The following ATP8B4 variants were observed in gnomAD, a reference collection of about 807,000 sequenced individuals.
ATP8B4 encodes the protein probable phospholipid-transporting ATPase IM.
In ATP8B4, 133 loss-of-function variants were observed where a neutral mutation model predicts 145.6. The ratio of observed to expected loss-of-function variants is 0.91; its 90% CI spans 0.79 to 1.05. ATP8B4 has a LOEUF of 1.05. Among genes scored for constraint, ATP8B4 ranks in the 50% least tolerant of loss-of-function variants. ATP8B4 has a pLI of 0.00. For synonymous variants in ATP8B4, 507 were observed against 492.9 expected (o/e 1.03, Z -0.38); for missense variants, 1,458 against 1,425.2 (o/e 1.02, Z -0.37).
intron 14 of ATP8B4, among the ~76,000 whole-genome samples, chr15:49,938,281 T>G (rs909306311): frequency 6.6e-5 from 10 of 152,110 alleles, no homozygotes; most frequent in Non-Finnish European, 1.3e-4. Flanking sequence ...AAACTGCCCA[T>G]ATCAATATTA....
chr15:49,966,189 G>A (rs565197881), intron 13 of ATP8B4, among the ~76,000 whole-genome samples: 1 of 152,326 alleles, frequency 6.6e-6, no homozygotes, highest in African/African-American at 2.4e-5. Flanking sequence ...ACAAAACTGG[G>A]CAGCCATTTG....
At chr15:50,126,225 A>C (rs1297878847) in intron 1 of ATP8B4, among the ~76,000 whole-genome samples, 1 of 146,988 alleles carries the variant, frequency 6.8e-6, no homozygotes, top group East Asian at 2.0e-4. Context: ...GTTAGTTCCT[A>C]ACAAGCTAAC....
chr15:50,135,044 T>C (rs148262034), intron 1 of ATP8B4, among the ~76,000 whole-genome samples: 10 of 152,368 alleles, frequency 6.6e-5, no homozygotes, highest in African/African-American at 1.9e-4. Flanking sequence ...GTTTTCTGAA[T>C]GTTCAAGTGG....
intron 3 of ATP8B4, among the ~76,000 whole-genome samples, chr15:50,055,093 T>A (rs2153615731): frequency 6.6e-6 from 1 of 152,326 alleles, no homozygotes; most frequent in East Asian, 1.9e-4. Context: ...TCTTTTCTAT[T>A]GCATTCCAAT....
At chr15:50,109,685 AAGC>A (rs775315260) in intron 1 of ATP8B4, among the ~76,000 whole-genome samples, 9 of 151,932 alleles carry the variant, frequency 5.9e-5, no homozygotes, top group Non-Finnish European at 1.3e-4. Context: ...ATGAGAATGC[AAGC>A]AGAAGACATT....
chr15:50,085,554 A>G (rs1432003657), intron 2 of ATP8B4, among the ~76,000 whole-genome samples: 3 of 152,078 alleles, frequency 2.0e-5, no homozygotes, highest in Non-Finnish European at 4.4e-5. Flanking sequence ...CAACATGATC[A>G]CATCCTACGG....
At chr15:49,889,681 G>A (rs1327651295) in intron 23 of ATP8B4, among the ~76,000 whole-genome samples, 1 of 152,150 alleles carries the variant, frequency 6.6e-6, no homozygotes, top group Non-Finnish European at 1.5e-5. Context: ...ATGGGGCATT[G>A]GCTGGAATCT....
At chr15:50,048,570 T>C (rs1202743291) in intron 3 of ATP8B4, among the ~76,000 whole-genome samples, 1 of 151,794 alleles carries the variant, frequency 6.6e-6, no homozygotes, top group African/African-American at 2.4e-5. Flanking sequence ...TAGCCAGGCA[T>C]GGTGGTGCAC....
At chr15:50,079,839 C>A (rs1199008751) in intron 2 of ATP8B4, among the ~76,000 whole-genome samples, 1 of 152,178 alleles carries the variant, frequency 6.6e-6, no homozygotes, top group Non-Finnish European at 1.5e-5. Flanking sequence ...TGACCATGAA[C>A]TTGAGATTGA....
chr15:50,061,346 T>C (rs2153623331), intron 3 of ATP8B4, among the ~76,000 whole-genome samples: 1 of 152,178 alleles, frequency 6.6e-6, no homozygotes, highest in Middle Eastern at 3.4e-3. Flanking sequence ...CATAACAGGC[T>C]GAGGAAAAGG....
intron 1 of ATP8B4, among the ~76,000 whole-genome samples, chr15:50,142,858 T>A (rs1034427660): frequency 1.3e-5 from 2 of 152,166 alleles, no homozygotes; most frequent in African/African-American, 4.8e-5. Context: ...TACGCACACA[T>A]CTGCTTCCAC....
upstream of ATP8B4, chr15:50,119,370 T>C (rs2057238080): frequency 6.6e-6 from 1 of 152,190 alleles, no homozygotes; most frequent in Non-Finnish European, 1.5e-5. Flanking sequence ...AGAATCAGCA[T>C]CTCATCAGAA....
intron 14 of ATP8B4, among the ~76,000 whole-genome samples, chr15:49,955,896 T>C (rs2043517335): frequency 6.6e-6 from 1 of 152,162 alleles, no homozygotes; most frequent in Non-Finnish European, 1.5e-5. Context: ...GCTGTGAAAT[T>C]AGTATAGAGT....
chr15:50,144,122 G>C (rs994722902), intron 1 of ATP8B4, among the ~76,000 whole-genome samples: 3 of 152,148 alleles, frequency 2.0e-5, no homozygotes, highest in African/African-American at 7.2e-5. Flanking sequence ...GCCTTAGGAA[G>C]GCAATCCTGG....
intron 2 of ATP8B4, among the ~76,000 whole-genome samples, chr15:50,076,290 G>A (rs1052661552): frequency 7.9e-5 from 12 of 152,010 alleles, no homozygotes; most frequent in Admixed American, 2.0e-4. Flanking sequence ...TCAAGGGATC[G>A]AGACCATCCT....
At chr15:49,866,309 A>G in intron 26 of ATP8B4, 37 bp downstream of exon 26, 1 of 1,600,996 alleles carries the variant, frequency 6.2e-7, no homozygotes, top group Non-Finnish European at 8.5e-7. Flanking sequence ...AAACAGCAGC[A>G]GACACTAGGT....
chr15:49,892,763 G>C (rs117130147), intron 23 of ATP8B4, among the ~76,000 whole-genome samples: 1 of 152,158 alleles, frequency 6.6e-6, no homozygotes, highest in African/African-American at 2.4e-5. Context: ...TTGATTGTAA[G>C]AAATACCATT....
At chr15:49,919,746 A>G (rs1005548105) in intron 18 of ATP8B4, among the ~76,000 whole-genome samples, 13 of 152,126 alleles carry the variant, frequency 8.5e-5, no homozygotes, top group Admixed American at 7.9e-4. Flanking sequence ...TGAGCAAAGC[A>G]TACTCTCTAG....
At chr15:49,868,465 C>A (rs567487518) in intron 25 of ATP8B4, among the ~76,000 whole-genome samples, 27 of 152,162 alleles carry the variant, frequency 1.8e-4, no homozygotes, top group African/African-American at 6.5e-4. Context: ...TAAAACTGTA[C>A]AAAGACCTCA....
Sources: allele counts gnomAD v4.1 joint callset (sites outside exome capture counted in the v4.1 genomes callset), GRCh38; gene constraint gnomAD v4.1.1; transcripts MANE v1.5; gene names NCBI Gene and HGNC (gene_info 2026-07-23, HGNC 2026-07-21).